PDE8A: variants seen among roughly 807,000 people sequenced by gnomAD.
PDE8A encodes phosphodiesterase 8A, also known as high affinity cAMP-specific and IBMX-insensitive 3',5'-cyclic phosphodiesterase 8A.
PDE8A carries 59 observed loss-of-function variants against 105.0 expected under a neutral mutation model. The ratio of observed to expected loss-of-function variants is 0.56; its 90% CI spans 0.46 to 0.70. The LOEUF is 0.70. Ranked by LOEUF, PDE8A falls within the 30% of genes least tolerant of loss-of-function variation. PDE8A has a pLI of 0.00. For missense variants in PDE8A, 1,014 were observed against 1,045.9 expected, an observed-to-expected ratio of 0.97 and a Z score of 0.42; for synonymous variants, 355 against 371.9, an observed-to-expected ratio of 0.95 and a Z score of 0.52.
At chr15:85,076,810 T>C (rs2141483457) in intron 5 of PDE8A, 23 bp downstream of exon 5, 5 of 1,368,044 alleles carry the variant, frequency 3.7e-6, no homozygotes, top group Non-Finnish European at 5.2e-6. Context: ...TTATTTGTTA[T>C]ACAAGTATAA....
chr15:85,119,034 T>C (rs1011375022), intron 17 of PDE8A, among the ~76,000 whole-genome samples: 1 of 152,198 alleles, frequency 6.6e-6, no homozygotes, highest in Non-Finnish European at 1.5e-5. Context: ...GGGACTGTTT[T>C]CTAAATTATG....
chr15:85,055,042 T>C (rs2081038468), intron 1 of PDE8A, among the ~76,000 whole-genome samples: 2 of 152,228 alleles, frequency 1.3e-5, no homozygotes, highest in Non-Finnish European at 2.9e-5. Context: ...AAAGAACCTC[T>C]TTATTTCTGC....
At chr15:85,059,900 C>T (rs544460354) in intron 1 of PDE8A, among the ~76,000 whole-genome samples, 9 of 152,220 alleles carry the variant, frequency 5.9e-5, no homozygotes, top group Admixed American at 1.3e-4. Flanking sequence ...CTCAGCTACT[C>T]GGGAGACTGA....
intron 1 of PDE8A, among the ~76,000 whole-genome samples, chr15:85,049,977 A>G (rs886288369): frequency 6.6e-6 from 1 of 152,160 alleles, no homozygotes; most frequent in Non-Finnish European, 1.5e-5. Context: ...CAGTTTTTCC[A>G]TGTTCTCATC....
intron 8 of PDE8A, among the ~76,000 whole-genome samples, chr15:85,094,915 T>C (rs958057164): frequency 1.3e-5 from 2 of 152,180 alleles, no homozygotes; most frequent in Admixed American, 1.3e-4. Flanking sequence ...AGCATAGAGC[T>C]CATAGTCCTC....
chr15:85,094,625 C>T (rs961243316), intron 8 of PDE8A, among the ~76,000 whole-genome samples: 2 of 152,312 alleles, frequency 1.3e-5, no homozygotes, highest in African/African-American at 2.4e-5. Context: ...GCTCATGGAC[C>T]TACCTCACAG....
At chr15:85,096,342 C>G (rs2081752718) in intron 8 of PDE8A, among the ~76,000 whole-genome samples, 1 of 151,770 alleles carries the variant, frequency 6.6e-6, no homozygotes, top group South Asian at 2.1e-4. Context: ...GCCTGTGGTC[C>G]CAGCTACTTG....
chr15:85,024,961 T>C (rs2080489765), intron 1 of PDE8A, among the ~76,000 whole-genome samples: 1 of 152,204 alleles, frequency 6.6e-6, no homozygotes, highest in African/African-American at 2.4e-5. Flanking sequence ...AAAAAGTGCA[T>C]TGAACAACAG....
intron 8 of PDE8A, among the ~76,000 whole-genome samples, chr15:85,091,696 A>G (rs1017572901): frequency 1.3e-5 from 2 of 152,170 alleles, no homozygotes; most frequent in Non-Finnish European, 2.9e-5. Context: ...GAAACAGACA[A>G]ATAAAAGTAA....
chr15:85,127,988 A>G (rs946201747), intron 20 of PDE8A, among the ~76,000 whole-genome samples: 4 of 144,612 alleles, frequency 2.8e-5, no homozygotes, highest in Non-Finnish European at 6.0e-5. Context: ...TCACATTTAT[A>G]TGATCAGTGG....
rs374192143 is a variant in PDE8A, at chr15:85,029,218, T to A, written c.187-35152T>A. Among the ~76,000 whole-genome samples the A allele has an allele frequency of 4.6e-5, 7 of 152,198 alleles. No homozygotes were observed. The East Asian group carries it at 7.7e-4, about 17-fold the overall frequency. ...AGCCGATGTTTTGTCAATATTCTTATGTTAACCGTAGGTAGTAGGATCCTC... is the reference window on the plus strand; with the variant it reads ...AGCCGATGTTTTGTCAATATTCTTAAGTTAACCGTAGGTAGTAGGATCCTC... On this transcript the variant is annotated intron_variant, in intron 1 of 21. Transcript: ENST00000394553.
intron 1 of PDE8A, among the ~76,000 whole-genome samples, chr15:85,025,998 C>T (rs1442740160): frequency 6.6e-6 from 1 of 152,324 alleles, no homozygotes. Context: ...TGAATATGCA[C>T]AGATTCAATA....
chr15:85,041,074 TC>T (rs1196850634), intron 1 of PDE8A, among the ~76,000 whole-genome samples: 4 of 152,204 alleles, frequency 2.6e-5, no homozygotes, highest in African/African-American at 9.7e-5. Flanking sequence ...CCCAGGCTCA[TC>T]ACTTCTGGGT....
chr15:85,061,393 C>A (rs921121863), intron 1 of PDE8A, among the ~76,000 whole-genome samples: 1 of 151,998 alleles, frequency 6.6e-6, no homozygotes, highest in Admixed American at 6.6e-5. Context: ...GCCACCACAC[C>A]CAGCTAATTT....
intron 11 of PDE8A, among the ~76,000 whole-genome samples, chr15:85,102,505 T>C (rs1024987680): frequency 7.3e-5 from 11 of 150,728 alleles, no homozygotes; most frequent in Admixed American, 4.0e-4. Flanking sequence ...ACAGGGGGCT[T>C]TTACTTGGTT....
At chr15:84,990,668 A>G (rs2079873028) in intron 1 of PDE8A, among the ~76,000 whole-genome samples, 2 of 152,324 alleles carry the variant, frequency 1.3e-5, no homozygotes, top group African/African-American at 2.4e-5. Context: ...TTTGGCTATT[A>G]TGACTAAAGC....
intron 19 of PDE8A, 27 bp downstream of exon 19, chr15:85,123,220 C>A: frequency 1.9e-6 from 3 of 1,611,932 alleles, no homozygotes; most frequent in Non-Finnish European, 2.5e-6. Context: ...GCAAAGAGAA[C>A]CTGTGTTTGG....
chr15:85,013,729 G>A (rs1044192682), intron 1 of PDE8A, among the ~76,000 whole-genome samples: 3 of 152,184 alleles, frequency 2.0e-5, no homozygotes, highest in African/African-American at 4.8e-5. Flanking sequence ...TGAGAGAAGC[G>A]GGGCTCAATA....
chr15:85,044,416 G>A (rs980062107), intron 1 of PDE8A, among the ~76,000 whole-genome samples: 4 of 152,176 alleles, frequency 2.6e-5, no homozygotes, highest in African/African-American at 4.8e-5. Flanking sequence ...AAGAACCAGG[G>A]AAAGCAGCTG....
Sources: allele counts gnomAD v4.1 joint callset (sites outside exome capture counted in the v4.1 genomes callset), GRCh38; gene constraint gnomAD v4.1.1; transcripts MANE v1.5; gene names NCBI Gene and HGNC (gene_info 2026-07-23, HGNC 2026-07-21).